Variants in NXPE4 observed in about 807,000 individuals in gnomAD.
NXPE4 encodes the protein neurexophilin and PC-esterase domain family member 4, also known as NXPE family member 4.
Under a neutral mutation model 33.3 loss-of-function variants are expected in NXPE4, and 42 were observed. That is an observed-to-expected ratio of 1.26 (90% CI 0.98 to 1.63). NXPE4 has a LOEUF of 1.63. Ranked by LOEUF, NXPE4 falls within the 40% of genes most tolerant of loss-of-function variation. NXPE4 has a pLI of 0.00. For synonymous variants in NXPE4, 253 were observed against 234.9 expected (o/e 1.08, Z -0.71); for missense variants, 709 against 647.6 (o/e 1.09, Z -1.03).
chr11:114,612,500 A>G, the NXPE4 span, among the ~76,000 whole-genome samples: 1 of 151,746 alleles, frequency 6.6e-6, no homozygotes, highest in Non-Finnish European at 1.5e-5. Context: ...CTGCTGGATA[A>G]TAAGTGTTTC....
At chr11:114,658,503 G>A in the NXPE4 span, among the ~76,000 whole-genome samples, 1 of 152,162 alleles carries the variant, frequency 6.6e-6, no homozygotes, top group Admixed American at 6.5e-5. Flanking sequence ...CAGGCCTGGA[G>A]GGGGAGGGTA....
At chr11:114,573,746 A>C (rs554197939) in intron 5 of NXPE4, among the ~76,000 whole-genome samples, 1 of 152,106 alleles carries the variant, frequency 6.6e-6, no homozygotes, top group African/African-American at 2.4e-5. Flanking sequence ...AAAATGAGAG[A>C]TGGCAATACA....
the NXPE4 span, among the ~76,000 whole-genome samples, chr11:114,615,570 C>A: frequency 6.6e-6 from 1 of 150,928 alleles, no homozygotes; most frequent in Admixed American, 6.6e-5. Flanking sequence ...CGTGGGTAAC[C>A]ACCTTTACCT....
At chr11:114,601,515 T>TCA in the NXPE4 span, among the ~76,000 whole-genome samples, 1 of 27,598 alleles carries the variant, frequency 3.6e-5, no homozygotes, top group African/African-American at 1.3e-4. Flanking sequence ...AAATTATATA[T>TCA]TATATATTAT....
At chr11:114,664,591 G>T in the NXPE4 span, among the ~76,000 whole-genome samples, 1 of 152,138 alleles carries the variant, frequency 6.6e-6, no homozygotes, top group Admixed American at 6.6e-5. Context: ...CTCCTTGAAA[G>T]TACAGATTCC....
chr11:114,647,700 A>AT, the NXPE4 span, among the ~76,000 whole-genome samples: 6 of 144,106 alleles, frequency 4.2e-5, no homozygotes, highest in Non-Finnish European at 6.2e-5. Context: ...GACTTATTTT[A>AT]TTTTATTTTT....
the NXPE4 span, among the ~76,000 whole-genome samples, chr11:114,603,587 C>T: frequency 2.0e-5 from 3 of 147,174 alleles, no homozygotes; most frequent in Non-Finnish European, 3.0e-5. Context: ...CTAGGTAACT[C>T]CTATTACCTG....
At chr11:114,634,126 T>C in the NXPE4 span, among the ~76,000 whole-genome samples, 2 of 151,576 alleles carry the variant, frequency 1.3e-5, no homozygotes, top group African/African-American at 4.8e-5. Flanking sequence ...CAGCACCTGT[T>C]GTTTCCTGAC....
At chr11:114,610,110 G>C in the NXPE4 span, among the ~76,000 whole-genome samples, 134 of 151,762 alleles carry the variant, frequency 8.8e-4, 2 homozygotes, top group East Asian at 0.014. Context: ...GTGTTGTCTT[G>C]TGGGTAACCC....
At chr11:114,589,321 G>A (rs1186725423) in intron 2 of NXPE4, among the ~76,000 whole-genome samples, 1 of 152,018 alleles carries the variant, frequency 6.6e-6, no homozygotes, top group East Asian at 1.9e-4. Context: ...AGGAGGCCCA[G>A]GTAATTCTGG....
At chr11:114,589,341 G>A (rs1221897335) in intron 2 of NXPE4, among the ~76,000 whole-genome samples, 1 of 152,104 alleles carries the variant, frequency 6.6e-6, no homozygotes, top group Non-Finnish European at 1.5e-5. Context: ...GAAACTGAAG[G>A]AAGGAAGGTG....
At chr11:114,578,333 A>C (rs1282602245) in intron 5 of NXPE4, among the ~76,000 whole-genome samples, 2 of 152,152 alleles carry the variant, frequency 1.3e-5, no homozygotes, top group African/African-American at 4.8e-5. Flanking sequence ...AATGTACAAC[A>C]GTTGTTTTTC....
the NXPE4 span, among the ~76,000 whole-genome samples, chr11:114,612,684 G>C: frequency 6.6e-6 from 1 of 151,574 alleles, no homozygotes; most frequent in Non-Finnish European, 1.5e-5. Context: ...GTTGTCTCAT[G>C]GGTAACAACT....
At chr11:114,637,435 T>A in the NXPE4 span, among the ~76,000 whole-genome samples, 2 of 152,046 alleles carry the variant, frequency 1.3e-5, no homozygotes, top group African/African-American at 4.8e-5. Flanking sequence ...AGTCTGTGTC[T>A]TTTAATTGGA....
Position 114,570,624 on chromosome 11 carries a change from T to G in NXPE4, c.*314A>C, listed in dbSNP as rs1948864664. 1 of 191,342 alleles carries G rather than the reference T, an allele frequency of 5.2e-6. No individual in the cohort carries two copies. Among genetic ancestry groups the G allele is most frequent in the South Asian group, 1.6e-4 (1 of 6,194 alleles). 11.9% of individuals were successfully genotyped at this position (191,342 alleles called of 1,614,324 possible). On this transcript the variant is annotated 3_prime_UTR_variant, in exon 6 of 6. Coordinates refer to ENST00000375478, the MANE Select transcript of NXPE4 (RefSeq NM_001077639.2). The stretch of plus-strand genomic sequence containing the variant: ...CCAAATTTTTATTTTAAAATTACTT[T>G]ATCACTCTGAGTTTTCATGCATCAG...
At chr11:114,618,770 T>A in the NXPE4 span, among the ~76,000 whole-genome samples, 1 of 152,062 alleles carries the variant, frequency 6.6e-6, no homozygotes, top group Non-Finnish European at 1.5e-5. Flanking sequence ...TGTTATCTGG[T>A]GGATAAAAAG....
At chr11:114,601,817 A>ATGAT in the NXPE4 span, among the ~76,000 whole-genome samples, 1 of 74,732 alleles carries the variant, frequency 1.3e-5, no homozygotes, top group African/African-American at 5.4e-5. Context: ...TTATATAATT[A>ATGAT]TATATAATAT....
At chr11:114,600,853 A>C in the NXPE4 span, among the ~76,000 whole-genome samples, 1 of 152,072 alleles carries the variant, frequency 6.6e-6, no homozygotes, top group Non-Finnish European at 1.5e-5. Flanking sequence ...ACTATTTTGA[A>C]ACTTTTCTAT....
chr11:114,658,827 A>G, the NXPE4 span, among the ~76,000 whole-genome samples: 11 of 152,274 alleles, frequency 7.2e-5, no homozygotes, highest in East Asian at 2.1e-3. Context: ...AGACCTACCT[A>G]GGATTGAGGC....
Sources: gnomAD v4.1 joint callset for allele counts (sites outside exome capture counted in the v4.1 genomes callset) on GRCh38, gnomAD v4.1.1 for gene constraint, MANE v1.5 for transcripts, NCBI Gene and HGNC (gene_info 2026-07-23, HGNC 2026-07-21) for gene names.